Variants in SVEP1 observed in about 807,000 individuals in gnomAD.
SVEP1 encodes the protein sushi, von Willebrand factor type A, EGF and pentraxin domain-containing protein 1.
A neutral mutation model predicts 367.3 loss-of-function variants in SVEP1; 164 were observed. The observed-to-expected ratio is 0.45, with a 90% CI of 0.39 to 0.51. The LOEUF is 0.51. Ranked by LOEUF, SVEP1 falls within the 20% of genes least tolerant of loss-of-function variation. The pLI, the probability that SVEP1 is intolerant of heterozygous loss-of-function variation, is 0.00. For synonymous variants in SVEP1, 1,666 were observed against 1,611.6 expected (o/e 1.03, Z -0.81); for missense variants, 4,117 against 4,425.3 (o/e 0.93, Z 1.98).
At chr9:110,379,316 C>T (rs1827398949) in intron 44 of SVEP1, 31 bp downstream of exon 44, 6 of 1,603,526 alleles carry the variant, frequency 3.7e-6, no homozygotes, top group Non-Finnish European at 5.1e-6. Context: ...TGCAGTTTCA[C>T]TAAGAAATAA....
At chr9:110,390,339 AC>A (rs1206996969) in intron 40 of SVEP1, among the ~76,000 whole-genome samples, 59 of 29,578 alleles carry the variant, frequency 2.0e-3, no homozygotes, top group Admixed American at 3.4e-3. Context: ...ATATACACAT[AC>A]TTATATACAC....
chr9:110,453,741 C>T (rs983164402), intron 22 of SVEP1, among the ~76,000 whole-genome samples: 3 of 151,944 alleles, frequency 2.0e-5, no homozygotes, highest in East Asian at 1.9e-4. Context: ...TGGTGGCATG[C>T]GCCTGTAGTC....
chr9:110,394,137 C>T (rs557917377), intron 40 of SVEP1, among the ~76,000 whole-genome samples: 259 of 152,036 alleles, frequency 1.7e-3, no homozygotes, highest in African/African-American at 5.5e-3. Context: ...CTCACATGGC[C>T]GGGTATTCCT....
chr9:110,475,033 T>C (rs1470167544), intron 14 of SVEP1, among the ~76,000 whole-genome samples: 1 of 151,138 alleles, frequency 6.6e-6, no homozygotes, highest in Admixed American at 6.6e-5. Flanking sequence ...TGTATCTACA[T>C]ACATATATAC....
chr9:110,457,445 C>A, intron 20 of SVEP1, 93 bp from the exon 21 acceptor site: 1 of 952,980 alleles, frequency 1.0e-6, no homozygotes, highest in South Asian at 1.5e-5. Context: ...CATTAGACAG[C>A]TCGTTCCTCC....
At chr9:110,478,485 G>A (rs1046551353) in intron 13 of SVEP1, among the ~76,000 whole-genome samples, 2 of 152,098 alleles carry the variant, frequency 1.3e-5, no homozygotes, top group Admixed American at 6.6e-5. Flanking sequence ...ACAATTTAGT[G>A]TCTGATAGAC....
rs770858847 is a variant in SVEP1 at position 110,479,737 on chromosome 9, G to A, written c.2385C>T (p.His795=). ...PDCAKKRFAN[H]GFKSFEMFYK... ...AGAACATCTCAAAGGACTTGAACCCGTGGTTTGCAAAACGTTTTTCTAGAA... is the reference window on the plus strand; with the variant it reads ...AGAACATCTCAAAGGACTTGAACCCATGGTTTGCAAAACGTTTTTCTAGAA... Residue 795 remains histidine (H), a synonymous_variant, in exon 13 of 48, where the codon CAC becomes CAT. Coordinates refer to ENST00000374469, the MANE Select transcript of SVEP1 (RefSeq NM_153366.4). 1.4e-5 allele frequency: 23 copies of A among 1,603,784 alleles called. No homozygotes were observed. The highest frequency in any genetic ancestry group is 1.8e-5 in the Non-Finnish European group (21 of 1,176,922).
At chr9:110,493,264 A>G (rs1889325) in intron 8 of SVEP1, among the ~76,000 whole-genome samples, 70,141 of 151,780 alleles carry the variant, frequency 0.46, 16,620 homozygotes, top group Middle Eastern at 0.61. Context: ...CACATGGACT[A>G]CACAAGAGAG....
chr9:110,577,953 TA>T (rs1414319596), intron 1 of SVEP1, among the ~76,000 whole-genome samples: 1 of 152,222 alleles, frequency 6.6e-6, no homozygotes, highest in African/African-American at 2.4e-5. Context: ...AATAGTATGA[TA>T]TTGGTGAATA....
At chr9:110,392,149 ATATATC>A (rs1354060153) in intron 40 of SVEP1, among the ~76,000 whole-genome samples, 1 of 148,258 alleles carries the variant, frequency 6.7e-6, no homozygotes, top group Non-Finnish European at 1.5e-5. Context: ...ATATATATAT[ATATATC>A]TCTTCTCTCT....
At chr9:110,390,631 A>C (rs1827640881) in intron 40 of SVEP1, among the ~76,000 whole-genome samples, 1 of 152,016 alleles carries the variant, frequency 6.6e-6, no homozygotes, top group Non-Finnish European at 1.5e-5. Context: ...ATTCTCAAGC[A>C]GATGGTAGTG....
intron 5 of SVEP1, among the ~76,000 whole-genome samples, chr9:110,507,075 A>C (rs1829637371): frequency 6.6e-6 from 1 of 152,126 alleles, no homozygotes; most frequent in Admixed American, 6.5e-5. Flanking sequence ...ATGCCAAATG[A>C]TGGGGACGTA....
intron 40 of SVEP1, among the ~76,000 whole-genome samples, chr9:110,392,774 T>G (rs1025930812): frequency 6.6e-6 from 1 of 152,208 alleles, no homozygotes; most frequent in South Asian, 2.1e-4. Context: ...GTGTCATTTA[T>G]GACCTATTTG....
intron 14 of SVEP1, among the ~76,000 whole-genome samples, chr9:110,475,272 T>C (rs1396263492): frequency 6.6e-6 from 1 of 152,160 alleles, no homozygotes; most frequent in Non-Finnish European, 1.5e-5. Flanking sequence ...TCTGCCGTAA[T>C]GCGAATTAAT....
rs753819574 is a variant in SVEP1, at chr9:110,407,721, G to C, written c.7879C>G (p.Leu2627Val). The change falls in exon 38 of 48, where the codon CTC becomes GTC. Residue 2627 changes from leucine (L) to valine (V), a missense_variant. Leu to Val is a conservative substitution (Grantham distance 32, BLOSUM62 1). This residue lies in a region of SVEP1 where 1,765 missense variants were observed against 1,781.1 expected (regional missense o/e 0.99). Coordinates refer to ENST00000374469, the MANE Select transcript of SVEP1 (RefSeq NM_153366.4). ...PHIDFGDCTK[L>V]KDDQGYFEQE... The stretch of plus-strand genomic sequence containing the variant: ...TCAAAATATCCCTGGTCATCTTTGA[G>C]TTTAGTACAGTCTCCAAAATCTATA... 5.6e-6 allele frequency: 9 copies of C among 1,613,856 alleles called. No individual in the cohort carries two copies. Among genetic ancestry groups the C allele is most frequent in the Admixed American group, 3.3e-5 (2 of 60,000 alleles).
intron 45 of SVEP1, 57 bp from the exon 46 acceptor site, chr9:110,375,520 T>C: frequency 7.1e-7 from 1 of 1,415,044 alleles, no homozygotes. Context: ...ATGGCGTTGA[T>C]CAAAGTACAC....
At position 110,474,528 on chromosome 9, in the gene SVEP1, A is replaced by G. The variant is rs144751845; in HGVS notation, c.2599+1676T>C. Among the ~76,000 whole-genome samples, 26 of 152,186 alleles carry G rather than the reference A, an allele frequency of 1.7e-4. 1 individual carries two copies. In the East Asian group the frequency reaches 4.6e-3, roughly 27 times the overall value. The stretch of plus-strand genomic sequence containing the variant: ...TTTTTTCTCAAGAATTGCCATTTGG[A>G]CCCTTATTAGGTGACAAATATCGCT... On this transcript the variant is annotated intron_variant, in intron 14 of 47. Transcript: ENST00000374469.
At chr9:110,390,063 AAG>A (rs1381989243) in intron 40 of SVEP1, among the ~76,000 whole-genome samples, 5 of 125,912 alleles carry the variant, frequency 4.0e-5, no homozygotes, top group East Asian at 7.3e-4. Flanking sequence ...GTATATATAT[AAG>A]TATATATATA....
chr9:110,529,652 T>G (rs1829991979), intron 3 of SVEP1, among the ~76,000 whole-genome samples: 1 of 152,104 alleles, frequency 6.6e-6, no homozygotes, highest in African/African-American at 2.4e-5. Context: ...GTTATTTATT[T>G]GATTTTCAGC....
Sources: allele counts gnomAD v4.1 joint callset (sites outside exome capture counted in the v4.1 genomes callset), GRCh38; gene constraint gnomAD v4.1.1; regional missense constraint gnomAD v4.1.1; transcripts MANE v1.5; gene names NCBI Gene and HGNC (gene_info 2026-07-23, HGNC 2026-07-21).